The following CAPS2 variants were observed in gnomAD, a reference collection of about 807,000 sequenced individuals.
CAPS2 encodes calcyphosine 2.
CAPS2 carries 98 observed loss-of-function variants against 86.5 expected under a neutral mutation model. The observed-to-expected ratio is 1.13, with a 90% CI of 0.96 to 1.34. The LOEUF is 1.34. CAPS2 is among the 40% of genes most tolerant of loss of function. The probability of loss-of-function intolerance (pLI) is 0.00; values close to 1 mark genes in which losing one functional copy is unlikely to be tolerated. For synonymous variants in CAPS2, 210 were observed against 225.1 expected, an observed-to-expected ratio of 0.93 and a Z score of 0.60; for missense variants, 729 against 686.8, an observed-to-expected ratio of 1.06 and a Z score of -0.69.
At chr12:75,323,086 T>C (rs1254297717) in exon 4 of CAPS2, 1 of 1,539,062 alleles carries the variant, frequency 6.5e-7, no homozygotes. Context: ...TGAAAAATTG[T>C]CCTAAAAAAT....
chr12:75,282,272 T>G, exon 16 of CAPS2: 1 of 1,594,638 alleles, frequency 6.3e-7, no homozygotes. Context: ...TGAGAATGCT[T>G]CTTTGCACAG....
At chr12:75,376,646 A>T (rs565447034) in intron 1 of CAPS2, among the ~76,000 whole-genome samples, 1 of 152,264 alleles carries the variant, frequency 6.6e-6, no homozygotes, top group South Asian at 2.1e-4. Flanking sequence ...AGAATTTAGG[A>T]GCTCAGTGCC....
At position 75,306,242 on chromosome 12, in the gene CAPS2, A is replaced by T. The variant is rs930893309; in HGVS notation, c.660-1366T>A. 1.2e-4 allele frequency: 77 copies of T among 642,996 alleles called. 1 individual carries two copies. In the Admixed American group the frequency reaches 2.0e-3, roughly 16 times the overall value. 39.8% of individuals were successfully genotyped at this position (642,996 alleles called of 1,614,324 possible). ...CAGCCGCGAAATTACGAACATGCAA[A>T]TCATGGAGTTCCTGGCCAGGCAGGC... On this transcript the variant is annotated intron_variant, in intron 7 of 16. Coordinates refer to ENST00000393284, the Ensembl canonical transcript of CAPS2.
upstream of CAPS2, chr12:75,334,201 T>C (rs1415718256): frequency 6.6e-6 from 1 of 152,460 alleles, no homozygotes; most frequent in East Asian, 1.9e-4. Context: ...TTAGGATCAC[T>C]GTATGTCACT....
chr12:75,375,047 G>A (rs12367587), intron 1 of CAPS2, among the ~76,000 whole-genome samples: 5,579 of 152,152 alleles, frequency 0.037, 157 homozygotes, highest in Non-Finnish European at 0.057. Flanking sequence ...ATCCCCCCAG[G>A]GCTGCAATAT....
intron 16 of CAPS2, among the ~76,000 whole-genome samples, chr12:75,281,808 T>C (rs2033999668): frequency 6.6e-6 from 1 of 152,072 alleles, no homozygotes; most frequent in Non-Finnish European, 1.5e-5. Context: ...GAATTTACAA[T>C]ATCCTCAAAT....
At chr12:75,350,334 T>C (rs2042724256) in intron 1 of CAPS2, among the ~76,000 whole-genome samples, 1 of 152,222 alleles carries the variant, frequency 6.6e-6, no homozygotes, top group Non-Finnish European at 1.5e-5. Context: ...GTCTGGGTAG[T>C]CTGGACAAGG....
At chr12:75,317,053 C>CT (rs1429518006) in intron 5 of CAPS2, among the ~76,000 whole-genome samples, 1 of 152,108 alleles carries the variant, frequency 6.6e-6, no homozygotes, top group Non-Finnish European at 1.5e-5. Context: ...TACTTTAGAT[C>CT]TTCCTTGAAA....
intron 1 of CAPS2, chr12:75,370,500 T>C: frequency 5.6e-6 from 1 of 177,796 alleles, no homozygotes; most frequent in East Asian, 1.4e-4. Context: ...TATCAAATAG[T>C]TTCCTTAGAT....
intron 1 of CAPS2, chr12:75,370,060 C>CTGGTTT: frequency 6.9e-7 from 1 of 1,447,148 alleles, no homozygotes; most frequent in Non-Finnish European, 9.7e-7. Flanking sequence ...CTTAACTATT[C>CTGGTTT]TGGTTTTGTT....
intron 1 of CAPS2, 25 bp downstream of exon 2, chr12:75,326,393 A>G: frequency 1.1e-6 from 1 of 939,320 alleles, no homozygotes; most frequent in Non-Finnish European, 1.6e-6. Context: ...TCCTGAAAGA[A>G]GAAAATTATA....
intron 12 of CAPS2, among the ~76,000 whole-genome samples, chr12:75,292,555 T>C (rs925401790): frequency 2.7e-5 from 4 of 148,284 alleles, no homozygotes; most frequent in Admixed American, 2.0e-4. Flanking sequence ...TTTTGTAGGA[T>C]ATAGCCTCTA....
At chr12:75,293,684 G>A (rs1343621205) in intron 11 of CAPS2, among the ~76,000 whole-genome samples, 1 of 152,058 alleles carries the variant, frequency 6.6e-6, no homozygotes, top group African/African-American at 2.4e-5. Flanking sequence ...TCCCTGAATA[G>A]AGCTAATGGC....
At chr12:75,355,338 A>C (rs1244463329) in intron 1 of CAPS2, among the ~76,000 whole-genome samples, 7 of 152,244 alleles carry the variant, frequency 4.6e-5, no homozygotes, top group Non-Finnish European at 1.0e-4. Context: ...TCTCAAAATA[A>C]GACATTTATG....
chr12:75,293,996 G>A (rs936770704), intron 11 of CAPS2, among the ~76,000 whole-genome samples: 1 of 152,030 alleles, frequency 6.6e-6, no homozygotes, highest in African/African-American at 2.4e-5. Context: ...GCAGTGTCAC[G>A]ATCTCTGCTC....
intron 1 of CAPS2, chr12:75,373,767 G>T: frequency 6.5e-6 from 1 of 153,296 alleles, no homozygotes; most frequent in South Asian, 1.9e-4. Context: ...TGCAGGCTGG[G>T]GGAGAGAAGG....
chr12:75,303,350 T>C (rs1343335304), intron 8 of CAPS2, among the ~76,000 whole-genome samples: 1 of 151,984 alleles, frequency 6.6e-6, no homozygotes, highest in Non-Finnish European at 1.5e-5. Context: ...GGACACAGAG[T>C]CTAGATTTCT....
chr12:75,311,699 G>GAA (rs764314438), intron 7 of CAPS2, among the ~76,000 whole-genome samples: 37 of 17,018 alleles, frequency 2.2e-3, no homozygotes, highest in Non-Finnish European at 4.4e-3. Flanking sequence ...AAGCCATGCA[G>GAA]GAAAAAAAAA....
chr12:75,278,346 T>C, exon 17 of CAPS2: 1 of 984,312 alleles, frequency 1.0e-6, no homozygotes, highest in Non-Finnish European at 1.2e-6. Context: ...AAAACATCTA[T>C]AATCACACTG....
Sources: allele counts gnomAD v4.1 joint callset (sites outside exome capture counted in the v4.1 genomes callset), GRCh38; gene constraint gnomAD v4.1.1; transcripts MANE v1.5; gene names NCBI Gene and HGNC (gene_info 2026-07-23, HGNC 2026-07-21).